The following DCAF12L1 variants were observed in gnomAD, a reference collection of about 807,000 sequenced individuals.
The protein encoded by DCAF12L1 is DDB1 and CUL4 associated factor 12 like 1.
For missense variants in DCAF12L1, 251 were observed against 409.2 expected, an observed-to-expected ratio of 0.61 and a Z score of 3.34; for synonymous variants, 218 against 196.4, an observed-to-expected ratio of 1.11 and a Z score of -0.92.
In DCAF12L1 at chrX:126,551,531, G is replaced by A. The variant is rs1418181235; in HGVS notation, c.1078C>T (p.Arg360Cys). ...GTGVRSLSFY[R>C]HIITVGTGQG... ...CCGGTGCCCACAGTGATGATGTGGC[G>A]GTAGAAGCTCAGCGACCGCACGCCT... Residue 360 changes from arginine (R) to cysteine (C), a missense_variant, in exon 1 of 2, where the codon CGC (arginine) becomes TGC (cysteine). Transcript: ENST00000371126. 2.5e-6 allele frequency: 3 copies of A among 1,209,565 alleles called. No homozygotes were observed. The highest frequency in any genetic ancestry group is 5.9e-5 in the East Asian group (2 of 33,730).
In DCAF12L1 at chrX:126,551,499, G is replaced by A. The variant is rs1927459725; in HGVS notation, c.1110C>T (p.Gly370=). 6.6e-6 allele frequency: 8 copies of A among 1,211,517 alleles called. No individual in the cohort carries two copies. In the East Asian group the frequency reaches 2.4e-4, roughly 36 times the overall value. The change falls in exon 1 of 2, where the codon GGC becomes GGT. Residue 370 remains glycine, a synonymous_variant. Coordinates refer to ENST00000371126, the MANE Select transcript of DCAF12L1 (RefSeq NM_178470.5). ...CCCGGACGTCATAGAAGAGCAGGGA[G>A]CCCTGACCGGTGCCCACAGTGATGA... ...RHIITVGTGQ[G]SLLFYDVRAQ...
At position 126,550,982 on chromosome X, in the gene DCAF12L1, G is replaced by A. The variant is rs1466674777; in HGVS notation, c.*148C>T. On this transcript the variant is annotated 3_prime_UTR_variant, in exon 2 of 2. Coordinates refer to ENST00000371126, the MANE Select transcript of DCAF12L1 (RefSeq NM_178470.5). ...GATTAACGATTAACCAAATTTCTTT[G>A]TATGAAAATTCCAAAAGATGGTGTT... 2.9e-6 allele frequency: 1 copy of A among 346,475 alleles called. No individual in the cohort carries two copies. The allele number at this position is 346,475 out of a possible 1,213,427, so 28.6% of individuals were successfully genotyped here.
At position 126,552,664 on chromosome X, in the gene DCAF12L1, G is replaced by T; in HGVS notation, c.-56C>A. On this transcript the variant is annotated 5_prime_UTR_variant, in exon 1 of 2. Coordinates refer to ENST00000371126, the MANE Select transcript of DCAF12L1 (RefSeq NM_178470.5). ...GCGTTGGTGGCGGTTGCAGCGCGTGGCTCCGGAGTCGGTCGTGGCGGCGGC... is the reference window on the plus strand; with the variant it reads ...GCGTTGGTGGCGGTTGCAGCGCGTGTCTCCGGAGTCGGTCGTGGCGGCGGC... The T allele has an allele frequency of 8.5e-7, 1 of 1,177,062 alleles. No individual in the cohort carries two copies.
Position 126,551,737 on chromosome X carries a change from G to A in DCAF12L1, c.872C>T (p.Ala291Val). 8.2e-7 allele frequency: 1 copy of A among 1,212,186 alleles called. No homozygotes were observed. The highest frequency in any genetic ancestry group is 1.1e-6 in the Non-Finnish European group (1 of 895,616). Residue 291 changes from alanine (A) to valine (V), a missense_variant, in exon 1 of 2, where the codon GCC (alanine) becomes GTC (valine). Coordinates refer to ENST00000371126, the MANE Select transcript of DCAF12L1 (RefSeq NM_178470.5). Reference protein sequence around the residue: ...SLDGYFHLWKAGSALSRLLSI... With the variant: ...SLDGYFHLWKVGSALSRLLSI... ...CAGCAGCCTGGATAGTGCGCTCCCG[G>A]CTTTCCACAGGTGGAAGTAGCCGTC...
Position 126,552,650 on chromosome X carries a change from G to T in DCAF12L1, c.-42C>A. Reference sequence around the variant, plus strand: ...GCGGCGGCGGCAAGGCGTTGGTGGCGGTTGCAGCGCGTGGCTCCGGAGTCG... The same window carrying T: ...GCGGCGGCGGCAAGGCGTTGGTGGCTGTTGCAGCGCGTGGCTCCGGAGTCG... On this transcript the variant is annotated 5_prime_UTR_variant, in exon 1 of 2. Coordinates refer to ENST00000371126, the MANE Select transcript of DCAF12L1 (RefSeq NM_178470.5). 8.4e-7 allele frequency: 1 copy of T among 1,192,775 alleles called. No individual in the cohort carries two copies. Among genetic ancestry groups the T allele is most frequent in the Admixed American group, 2.3e-5 (1 of 44,360 alleles).
chrX:126,550,640 A>C lies in DCAF12L1; in HGVS notation c.*490T>G, dbSNP rs1927445958. On this transcript the variant is annotated 3_prime_UTR_variant, in exon 2 of 2. Transcript: ENST00000371126. ...AAAGCACTTTAGCACCAACAACGTAAAAACTATATACACTAAGATCACAAT... is the reference window on the plus strand; with the variant it reads ...AAAGCACTTTAGCACCAACAACGTACAAACTATATACACTAAGATCACAAT... 2 of 112,580 alleles carry C rather than the reference A, an allele frequency of 1.8e-5. No individual in the cohort carries two copies. The highest frequency in any genetic ancestry group is 6.5e-5 in the African/African-American group (2 of 30,898). The allele number at this position is 112,580 out of a possible 1,213,427, so 9.3% of individuals were successfully genotyped here.
chrX:126,551,319 C>G lies in DCAF12L1; in HGVS notation c.1290G>C (p.Ala430=), dbSNP rs755096870. The change falls in exon 1 of 2, where the codon GCG becomes GCC. Residue 430 remains alanine (A), a synonymous_variant. Coordinates refer to ENST00000371126, the MANE Select transcript of DCAF12L1 (RefSeq NM_178470.5). ...GCCAGTTGTAGCAGTGGGTGTAGAG[C>G]GCATTGGGAAACACTTCCATGCCAC... ...YFGGMEVFPN[A]LYTHCYNWPE... 3.3e-6 allele frequency: 4 copies of G among 1,211,196 alleles called. No individual in the cohort carries two copies. The highest frequency in any genetic ancestry group is 4.5e-6 in the Non-Finnish European group (4 of 895,466).
Position 126,551,379 on chromosome X carries a change from C to A in DCAF12L1, c.1230G>T (p.Trp410Cys). The A allele has an allele frequency of 8.3e-7, 1 of 1,211,729 alleles. No homozygotes were observed. The highest frequency in any genetic ancestry group is 1.1e-6 in the Non-Finnish European group (1 of 895,550). The stretch of plus-strand genomic sequence containing the variant: ...TCACCCAGAAATCATTGTGGTTGAG[C>A]CAGCCTCTGCCACAGGCAAGCCTGA... Reference protein sequence around the residue: ...RKLRLACGRGWLNHNDFWVNY... With the variant: ...RKLRLACGRGCLNHNDFWVNY... Residue 410 changes from tryptophan (W) to cysteine (C), a missense_variant, in exon 1 of 2, where the codon TGG becomes TGT. Physicochemically the swap from Trp to Cys is radical, Grantham distance 215. Transcript: ENST00000371126.
chrX:126,551,675 G>A lies in DCAF12L1; in HGVS notation c.934C>T (p.Leu312=). 8.3e-7 allele frequency: 1 copy of A among 1,212,079 alleles called. No individual in the cohort carries two copies. Among genetic ancestry groups the A allele is most frequent in the South Asian group, 1.8e-5 (1 of 57,037 alleles). ...RLPYFRDNVC[L]TYCDDMSVYA... ...ACAGACATATCATCACAGTAGGTCA[G>A]GCACACATTATCCCGGAAGTAGGGC... is the stretch of plus-strand genomic sequence containing the variant. Residue 312 remains leucine (L), a synonymous_variant, in exon 1 of 2, where the codon CTG becomes TTG. Transcript: ENST00000371126.
Position 126,552,681 on chromosome X carries a change from G to A in DCAF12L1, c.-73C>T. The stretch of plus-strand genomic sequence containing the variant: ...AGCGCGTGGCTCCGGAGTCGGTCGT[G>A]GCGGCGGCGTGGATGGCTGCGCTGG... On this transcript the variant is annotated 5_prime_UTR_variant, in exon 1 of 2. Transcript: ENST00000371126. 8.7e-7 allele frequency: 1 copy of A among 1,155,511 alleles called. No homozygotes were observed. Among genetic ancestry groups the A allele is most frequent in the African/African-American group, 1.8e-5 (1 of 55,363 alleles).
In DCAF12L1 at chrX:126,551,714, G is replaced by A. The variant is rs1462555451; in HGVS notation, c.895C>T (p.Leu299=). The A allele has an allele frequency of 8.2e-7, 1 of 1,212,198 alleles. No homozygotes were observed. Among genetic ancestry groups the A allele is most frequent in the East Asian group, 3.0e-5 (1 of 33,823 alleles). Residue 299 remains leucine, a synonymous_variant, in exon 1 of 2, where the codon CTG becomes TTG. Transcript: ENST00000371126. ...CGGAAGTAGGGCAGCCTGATGGACA[G>A]CAGCCTGGATAGTGCGCTCCCGGCT... The part of the protein sequence containing the change: ...WKAGSALSRL[L]SIRLPYFRDN...
chrX:126,552,649 C>G lies in DCAF12L1; in HGVS notation c.-41G>C, dbSNP rs770597656. On this transcript the variant is annotated 5_prime_UTR_variant, in exon 1 of 2. Transcript: ENST00000371126. Reference sequence around the variant, plus strand: ...AGCGGCGGCGGCAAGGCGTTGGTGGCGGTTGCAGCGCGTGGCTCCGGAGTC... The same window carrying G: ...AGCGGCGGCGGCAAGGCGTTGGTGGGGGTTGCAGCGCGTGGCTCCGGAGTC... 1.7e-6 allele frequency: 2 copies of G among 1,190,104 alleles called. No homozygotes were observed. Among genetic ancestry groups the G allele is most frequent in the Non-Finnish European group, 2.2e-6 (2 of 889,671 alleles).
In DCAF12L1 at chrX:126,551,433, C is replaced by T. The variant is rs1442625493; in HGVS notation, c.1176G>A (p.Glu392=). 2 of 1,212,018 alleles carry T rather than the reference C, an allele frequency of 1.7e-6. No homozygotes were observed. The highest frequency in any genetic ancestry group is 2.2e-5 in the Admixed American group (1 of 46,089). ...FLEERASATL[E]SSSGPARRKL... is the part of the protein sequence containing the mutation. ...TCCTCCTTGCAGGTCCCGAAGAGGA[C>T]TCCAGGGTGGCGGAGGCTCTTTCCT... The change falls in exon 1 of 2, where the codon GAG becomes GAA. Residue 392 remains glutamate, a synonymous_variant. Transcript: ENST00000371126.
rs1927435984 is a variant in DCAF12L1, at chrX:126,549,992, G to A, written c.*1138C>T. The A allele has an allele frequency of 1.8e-5, 2 of 112,064 alleles. No individual in the cohort carries two copies. The highest frequency in any genetic ancestry group is 7.3e-4 in the South Asian group (2 of 2,749). The allele number at this position is 112,064 out of a possible 1,213,427, so 9.2% of individuals were successfully genotyped here. A position where few individuals can be genotyped will look rare whatever the true frequency, so the allele number is the denominator to read the frequency against. On this transcript the variant is annotated 3_prime_UTR_variant, in exon 2 of 2. Coordinates refer to ENST00000371126, the MANE Select transcript of DCAF12L1 (RefSeq NM_178470.5). ...TCACCTATCTTGAAACGAACTTCCT[G>A]TGTTCTTGATATTGCATACTATTAC...
chrX:126,552,741 C>T lies in DCAF12L1; in HGVS notation c.-133G>A, dbSNP rs1927490628. 6 of 1,024,746 alleles carry T rather than the reference C, an allele frequency of 5.9e-6. No homozygotes were observed. The highest frequency in any genetic ancestry group is 3.7e-5 in the Admixed American group (1 of 27,000). 84.5% of individuals were successfully genotyped at this position (1,024,746 alleles called of 1,213,427 possible). A position where few individuals can be genotyped will look rare whatever the true frequency, so the allele number is the denominator to read the frequency against. On this transcript the variant is annotated 5_prime_UTR_variant, in exon 1 of 2. Transcript: ENST00000371126. Reference sequence around the variant, plus strand: ...TTCGGATTCTGAGGCGCGGCAGTGGCGGACCGGGTGAGGGACGCGCGGGAG... The same window carrying T: ...TTCGGATTCTGAGGCGCGGCAGTGGTGGACCGGGTGAGGGACGCGCGGGAG...
chrX:126,551,422 C>G lies in DCAF12L1; in HGVS notation c.1187G>C (p.Gly396Ala), dbSNP rs138006263. 59 of 1,210,206 alleles carry G rather than the reference C, an allele frequency of 4.9e-5. No individual in the cohort carries two copies. The African/African-American group carries it at 8.9e-4, about 18-fold the overall frequency. Residue 396 changes from glycine to alanine, a missense_variant, in exon 1 of 2, where the codon GGA becomes GCA. By Grantham distance (60) the Gly-to-Ala change is moderately conservative. Coordinates refer to ENST00000371126, the MANE Select transcript of DCAF12L1 (RefSeq NM_178470.5). The part of the protein sequence containing the change: ...RASATLESSS[G>A]PARRKLRLAC... ...AAGCCTGAGCTTCCTCCTTGCAGGT[C>G]CCGAAGAGGACTCCAGGGTGGCGGA...
chrX:126,552,195 G>T lies in DCAF12L1; in HGVS notation c.414C>A (p.Asp138Glu), dbSNP rs1409598624. 2 of 1,211,670 alleles carry T rather than the reference G, an allele frequency of 1.7e-6. No individual in the cohort carries two copies. Among genetic ancestry groups the T allele is most frequent in the Middle Eastern group, 2.3e-4 (1 of 4,377 alleles). The change falls in exon 1 of 2, where the codon GAC (aspartate) becomes GAA (glutamate). Residue 138 changes from aspartate (D) to glutamate (E), a missense_variant. Transcript: ENST00000371126. ...GGTCCTGGGCCAGCCTGGCCTCACT[G>T]TCCCGCAAGAGGGGAATGCGCGCGA... ...GHIARIPLLR[D>E]SEARLAQDQQ...
chrX:126,549,570 G>A lies in DCAF12L1; in HGVS notation c.*1560C>T, dbSNP rs756554730. ...AGACATTTACAACTGACTTGGAGAC[G>A]CATGCACACAAATATATCTTACTGC... is the stretch of plus-strand genomic sequence containing the variant. On this transcript the variant is annotated 3_prime_UTR_variant, in exon 2 of 2. Coordinates refer to ENST00000371126, the MANE Select transcript of DCAF12L1 (RefSeq NM_178470.5). 6.5e-4 allele frequency: 73 copies of A among 112,093 alleles called. No homozygotes were observed. Among genetic ancestry groups the A allele is most frequent in the African/African-American group, 2.2e-3 (68 of 30,894 alleles). The allele number at this position is 112,093 out of a possible 1,213,427, so 9.2% of individuals were successfully genotyped here. A position where few individuals can be genotyped will look rare whatever the true frequency, so the allele number is the denominator to read the frequency against.
In DCAF12L1 at chrX:126,550,322, C is replaced by T. The variant is rs1927440822; in HGVS notation, c.*808G>A. ...ACATTTCCTGCTTTTCATGATGGCTCCAATGCCCTGTGCAAGTTTTTCAAA... is the reference window on the plus strand; with the variant it reads ...ACATTTCCTGCTTTTCATGATGGCTTCAATGCCCTGTGCAAGTTTTTCAAA... On this transcript the variant is annotated 3_prime_UTR_variant, in exon 2 of 2. Coordinates refer to ENST00000371126, the MANE Select transcript of DCAF12L1 (RefSeq NM_178470.5). 8.9e-6 allele frequency: 1 copy of T among 112,285 alleles called. No individual in the cohort carries two copies. Among genetic ancestry groups the T allele is most frequent in the African/African-American group, 3.2e-5 (1 of 30,795 alleles). The allele number at this position is 112,285 out of a possible 1,213,427, so 9.3% of individuals were successfully genotyped here. A position where few individuals can be genotyped will look rare whatever the true frequency, so the allele number is the denominator to read the frequency against.
Sources: gnomAD v4.1 joint callset for allele counts on GRCh38, gnomAD v4.1.1 for gene constraint, MANE v1.5 for transcripts, NCBI Gene and HGNC (gene_info 2026-07-23, HGNC 2026-07-21) for gene names.